Variants in GHR observed in about 807,000 individuals in gnomAD.
The protein encoded by GHR is GH receptor.
GHR carries 35 observed loss-of-function variants against 67.1 expected under a neutral mutation model. That is an observed-to-expected ratio of 0.52 (90% CI 0.40 to 0.69). The LOEUF is 0.69. Ranked by LOEUF, GHR falls within the 30% of genes least tolerant of loss-of-function variation. The probability of loss-of-function intolerance (pLI) is 0.00; values close to 1 mark genes in which losing one functional copy is unlikely to be tolerated. For missense variants in GHR, 792 were observed against 764.6 expected (o/e 1.04, Z -0.42); for synonymous variants, 272 against 269.1 (o/e 1.01, Z -0.10).
intron 5 of GHR, among the ~76,000 whole-genome samples, chr5:42,698,720 A>G (rs142802344): frequency 1.4e-3 from 218 of 152,270 alleles, no homozygotes; most frequent in African/African-American, 4.8e-3. Flanking sequence ...TCTCCAGTCA[A>G]CGCTAGGGAT....
At chr5:42,703,058 T>C (rs1200692943) in intron 6 of GHR, among the ~76,000 whole-genome samples, 1 of 152,218 alleles carries the variant, frequency 6.6e-6, no homozygotes, top group Non-Finnish European at 1.5e-5. Flanking sequence ...CTTTTTAGTT[T>C]CATGTAATCC....
At chr5:42,468,143 C>T in intron 1 of GHR, 1 of 1,295,298 alleles carries the variant, frequency 7.7e-7, no homozygotes, top group African/African-American at 1.5e-5. Flanking sequence ...TTTTCTTCCT[C>T]TTCTGATCCA....
rs147914518 is a variant in GHR at position 42,715,501 on chromosome 5, T to G, written c.875+1982T>G. ...ACTCTAGCAAAATTTATAATTTTAT[T>G]TGTATCTGATACAAAACCACAAACA... On this transcript the variant is annotated intron_variant, in intron 8 of 9. Transcript: ENST00000230882. Among the ~76,000 whole-genome samples the G allele has an allele frequency of 9.1e-3, 1,391 of 152,302 alleles. 21 individuals carry two copies. Among genetic ancestry groups the G allele is most frequent in the African/African-American group, 0.032 (1,328 of 41,564 alleles).
chr5:42,435,999 A>T (rs1743307250), intron 1 of GHR, among the ~76,000 whole-genome samples: 1 of 152,194 alleles, frequency 6.6e-6, no homozygotes, highest in South Asian at 2.1e-4. Context: ...TTGGTAAGCT[A>T]AGAGGTAGTC....
chr5:42,520,277 A>G (rs1747417518), intron 1 of GHR, among the ~76,000 whole-genome samples: 2 of 152,244 alleles, frequency 1.3e-5, no homozygotes, highest in Middle Eastern at 6.8e-3. Context: ...TACAAGGGGA[A>G]CTATAATAAA....
chr5:42,467,601 CTGAT>C (rs1744792408), intron 1 of GHR: 2 of 1,603,484 alleles, frequency 1.2e-6, no homozygotes, highest in Non-Finnish European at 1.7e-6. Flanking sequence ...GATTTGAACT[CTGAT>C]TGAAGGCTTT....
chr5:42,504,707 C>T (rs1468020324), intron 1 of GHR, among the ~76,000 whole-genome samples: 8 of 152,066 alleles, frequency 5.3e-5, no homozygotes, highest in Non-Finnish European at 1.0e-4. Flanking sequence ...TGCAGTGAGC[C>T]GAGATCGCAC....
intron 1 of GHR, among the ~76,000 whole-genome samples, chr5:42,563,486 C>T (rs1447271008): frequency 6.6e-6 from 1 of 151,832 alleles, no homozygotes; most frequent in African/African-American, 2.4e-5. Context: ...GGCGCGGTGG[C>T]GGGCGCCTGT....
intron 1 of GHR, among the ~76,000 whole-genome samples, chr5:42,563,095 G>A (rs1188141121): frequency 6.6e-6 from 1 of 152,210 alleles, no homozygotes; most frequent in Non-Finnish European, 1.5e-5. Context: ...TGTCTGAAGA[G>A]GTGACTTCCA....
In GHR at chr5:42,699,842, T is replaced by C. The variant is rs745367760; in HGVS notation, c.458T>C (p.Ile153Thr). 3.7e-6 allele frequency: 6 copies of C among 1,610,688 alleles called. No homozygotes were observed. The Admixed American group carries it at 8.3e-5, about 22-fold the overall frequency. Residue 153 changes from isoleucine (I) to threonine (T), a missense_variant, in exon 6 of 10, where the codon ATT (isoleucine) becomes ACT (threonine). Physicochemically the swap from Ile to Thr is moderately conservative, Grantham distance 89. Transcript: ENST00000230882. ...VDEIVQPDPP[I>T]ALNWTLLNVS... ...TGCACAGTGCAACCAGATCCACCCA[T>C]TGCCCTCAACTGGACTTTACTGAAC... is the stretch of plus-strand genomic sequence containing the variant.
At chr5:42,627,001 A>C (rs1487525827) in intron 2 of GHR, among the ~76,000 whole-genome samples, 5 of 152,140 alleles carry the variant, frequency 3.3e-5, no homozygotes, top group African/African-American at 1.2e-4. Context: ...GTGACACTAC[A>C]TTCATCATTT....
intron 3 of GHR, among the ~76,000 whole-genome samples, chr5:42,634,826 T>A (rs73087460): frequency 0.014 from 2,175 of 152,250 alleles, 47 homozygotes; most frequent in African/African-American, 0.049. Context: ...TCATAAATAG[T>A]CCTACTCCTG....
At chr5:42,497,351 C>T (rs1746363703) in intron 1 of GHR, among the ~76,000 whole-genome samples, 1 of 152,156 alleles carries the variant, frequency 6.6e-6, no homozygotes, top group African/African-American at 2.4e-5. Flanking sequence ...TAATGTTACA[C>T]GAATGCCTCT....
chr5:42,478,522 A>T (rs1745451147), intron 1 of GHR, among the ~76,000 whole-genome samples: 1 of 152,106 alleles, frequency 6.6e-6, no homozygotes, highest in African/African-American at 2.4e-5. Flanking sequence ...ATGAGCATGG[A>T]ATGTTCTTCC....
At chr5:42,534,069 C>G (rs977611966) in intron 1 of GHR, among the ~76,000 whole-genome samples, 3 of 147,938 alleles carry the variant, frequency 2.0e-5, no homozygotes, top group African/African-American at 5.0e-5. Context: ...TATATATGTA[C>G]GTATGTATAT....
intron 6 of GHR, among the ~76,000 whole-genome samples, chr5:42,704,141 T>A (rs1251653143): frequency 6.6e-6 from 1 of 151,982 alleles, no homozygotes; most frequent in African/African-American, 2.4e-5. Context: ...GTCTTGTTCC[T>A]CATCTTAGAA....
Position 42,718,838 on chromosome 5 carries a change from A to T in GHR, c.1331A>T (p.Gln444Leu). 1 of 1,614,172 alleles carries T rather than the reference A, an allele frequency of 6.2e-7. No individual in the cohort carries two copies. Among genetic ancestry groups the T allele is most frequent in the Non-Finnish European group, 8.5e-7 (1 of 1,180,028 alleles). Residue 444 changes from glutamine to leucine, a missense_variant, in exon 10 of 10, where the codon CAG becomes CTG. Transcript: ENST00000230882. ...SPYHDACPAT[Q>L]QPSVIQAEKN... ...TATCATGATGCTTGCCCTGCTACTCAGCAGCCCAGTGTTATCCAAGCAGAG... is the reference window on the plus strand; with the variant it reads ...TATCATGATGCTTGCCCTGCTACTCTGCAGCCCAGTGTTATCCAAGCAGAG...
chr5:42,503,537 G>A (rs1746629195), intron 1 of GHR, among the ~76,000 whole-genome samples: 1 of 152,088 alleles, frequency 6.6e-6, no homozygotes, highest in South Asian at 2.1e-4. Context: ...GACTGTTGGT[G>A]GATTTGACAA....
chr5:42,663,349 A>AATACTAGC (rs1478499516), intron 3 of GHR, among the ~76,000 whole-genome samples: 1 of 152,202 alleles, frequency 6.6e-6, no homozygotes, highest in African/African-American at 2.4e-5. Flanking sequence ...TCCTCAGTAA[A>AATACTAGC]ATACTAGCAA....
Sources: allele counts gnomAD v4.1 joint callset (sites outside exome capture counted in the v4.1 genomes callset), GRCh38; gene constraint gnomAD v4.1.1; transcripts MANE v1.5; gene names NCBI Gene and HGNC (gene_info 2026-07-23, HGNC 2026-07-21).